The following DIAPH2 variants were observed in gnomAD, a reference collection of about 807,000 sequenced individuals.
DIAPH2 encodes diaphanous related formin 2, also known as protein diaphanous homolog 2.
In DIAPH2, 35 loss-of-function variants were observed where a neutral mutation model predicts 92.7. That is an observed-to-expected ratio of 0.38 (90% CI 0.29 to 0.50). The LOEUF (loss-of-function observed/expected upper bound fraction) is 0.50, where lower values mean the gene tolerates loss of function less well. Ranked by LOEUF, DIAPH2 falls within the 20% of genes least tolerant of loss-of-function variation. The pLI is 0.94. For missense variants in DIAPH2, 701 were observed against 819.5 expected, an observed-to-expected ratio of 0.86 and a Z score of 1.77; for synonymous variants, 301 against 280.4, an observed-to-expected ratio of 1.07 and a Z score of -0.73.
chrX:97,003,600 C>G (rs573947773), intron 17 of DIAPH2, among the ~76,000 whole-genome samples: 1 of 112,068 alleles, frequency 8.9e-6, no homozygotes, highest in African/African-American at 3.2e-5. Context: ...ATTTGTATGT[C>G]TTCTTTTGAG....
rs147240095 is a variant in DIAPH2 at position 97,182,026 on chromosome X, T to C, written c.2719+40232T>C. ...TGTAATTTGTCAGTATCCTTCACAA[T>C]AAAAATAGATTATGACATACCTTGG... is the stretch of plus-strand genomic sequence containing the variant. On this transcript the variant is annotated intron_variant, in intron 22 of 26. Coordinates refer to ENST00000324765, the MANE Select transcript of DIAPH2 (RefSeq NM_006729.5). Among the ~76,000 whole-genome samples the C allele has an allele frequency of 6.1e-4, 68 of 111,440 alleles. No individual in the cohort carries two copies. In the East Asian group the frequency reaches 0.018, roughly 30 times the overall value.
chrX:97,411,610 G>A (rs1057070255), intron 25 of DIAPH2, among the ~76,000 whole-genome samples: 1 of 111,997 alleles, frequency 8.9e-6, no homozygotes, highest in African/African-American at 3.2e-5. Context: ...AGACTGGCAA[G>A]TTGAATAAAG....
chrX:96,882,987 AAAAAC>A (rs2065228834), intron 5 of DIAPH2, among the ~76,000 whole-genome samples: 1 of 54,906 alleles, frequency 1.8e-5, no homozygotes, highest in Non-Finnish European at 5.7e-5. Context: ...AAAAAAACAA[AAAAAC>A]AAAAATCCGG....
chrX:96,891,603 G>T (rs1397728013), intron 5 of DIAPH2, among the ~76,000 whole-genome samples: 6 of 112,200 alleles, frequency 5.3e-5, no homozygotes, highest in Non-Finnish European at 9.4e-5. Flanking sequence ...AAGATCCAAA[G>T]AAATACGTAG....
At position 97,359,457 on chromosome X, in the gene DIAPH2, T is replaced by TGC. The variant is rs775786907; in HGVS notation, c.3009+11179_3009+11180dup. ...TATGTCCTATATATGTGTGTGTGTG[T>TGC]GCGTGTGTGTATTTTTTTCCTTTGT... On this transcript the variant is annotated intron_variant, in intron 24 of 26. Coordinates refer to ENST00000324765, the MANE Select transcript of DIAPH2 (RefSeq NM_006729.5). Among the ~76,000 whole-genome samples the TGC allele has an allele frequency of 7.3e-5, 8 of 110,138 alleles. No homozygotes were observed. The East Asian group carries it at 2.2e-3, about 31-fold the overall frequency.
At chrX:97,191,208 A>G (rs1212013862) in intron 22 of DIAPH2, among the ~76,000 whole-genome samples, 2 of 109,435 alleles carry the variant, frequency 1.8e-5, no homozygotes, top group African/African-American at 6.7e-5. Context: ...CATGACTGTA[A>G]TCCCAGCTAC....
intron 5 of DIAPH2, among the ~76,000 whole-genome samples, chrX:96,886,174 T>C (rs1406825458): frequency 9.0e-6 from 1 of 110,555 alleles, no homozygotes; most frequent in Non-Finnish European, 1.9e-5. Flanking sequence ...ATTATATAAA[T>C]TATGTGAGAC....
chrX:96,841,133 C>A (rs2064934084), intron 4 of DIAPH2, among the ~76,000 whole-genome samples: 1 of 111,867 alleles, frequency 8.9e-6, no homozygotes, highest in African/African-American at 3.3e-5. Flanking sequence ...CCCATGAATT[C>A]TCTGGATTGA....
At chrX:97,514,945 G>T (rs2070930273) in intron 26 of DIAPH2, among the ~76,000 whole-genome samples, 1 of 111,026 alleles carries the variant, frequency 9.0e-6, no homozygotes, top group South Asian at 3.9e-4. Context: ...AGTCTGCAGA[G>T]GTTACTGCTG....
intron 17 of DIAPH2, among the ~76,000 whole-genome samples, chrX:97,005,421 G>A (rs1034997251): frequency 7.3e-5 from 8 of 109,073 alleles, no homozygotes; most frequent in East Asian, 2.9e-4. Context: ...ACCGTCTCTC[G>A]GATTTCTTTA....
chrX:96,809,209 T>C (rs978297033), intron 4 of DIAPH2, among the ~76,000 whole-genome samples: 75 of 110,811 alleles, frequency 6.8e-4, no homozygotes, highest in African/African-American at 2.4e-3. Context: ...TTCTTCCTAG[T>C]CCAGTAGTAG....
intron 17 of DIAPH2, among the ~76,000 whole-genome samples, chrX:96,965,608 GTCTTAAA>G (rs2065889511): frequency 9.0e-6 from 1 of 111,098 alleles, no homozygotes; most frequent in Non-Finnish European, 1.9e-5. Flanking sequence ...TGGTCCCATA[GTCTTAAA>G]TAGTCTTTCC....
chrX:97,238,067 G>A (rs2068063480), intron 22 of DIAPH2, among the ~76,000 whole-genome samples: 1 of 112,163 alleles, frequency 8.9e-6, no homozygotes, highest in Admixed American at 9.5e-5. Flanking sequence ...AATAACACTT[G>A]CAGAAGAGAC....
chrX:97,347,043 A>G (rs1350208416), intron 23 of DIAPH2, among the ~76,000 whole-genome samples: 1 of 107,932 alleles, frequency 9.3e-6, no homozygotes, highest in Non-Finnish European at 1.9e-5. Flanking sequence ...ATGTATACAC[A>G]CACACATATA....
At chrX:97,063,669 G>T (rs952665148) in intron 17 of DIAPH2, among the ~76,000 whole-genome samples, 4 of 112,034 alleles carry the variant, frequency 3.6e-5, no homozygotes, top group Middle Eastern at 4.2e-3. Flanking sequence ...TTGAAAAACA[G>T]AATGTCAACA....
At chrX:97,130,717 A>G (rs963747582) in intron 21 of DIAPH2, among the ~76,000 whole-genome samples, 7 of 111,535 alleles carry the variant, frequency 6.3e-5, no homozygotes, top group African/African-American at 2.3e-4. Flanking sequence ...ACTTAACCTC[A>G]CTGAACTGTG....
chrX:97,472,934 G>T (rs756645532), intron 26 of DIAPH2, among the ~76,000 whole-genome samples: 11 of 111,789 alleles, frequency 9.8e-5, no homozygotes, highest in African/African-American at 3.6e-4. Context: ...CTCTATCCTG[G>T]TTTATGTTAT....
intron 23 of DIAPH2, among the ~76,000 whole-genome samples, chrX:97,314,169 G>A (rs762956137): frequency 2.3e-4 from 25 of 107,441 alleles, no homozygotes; most frequent in Non-Finnish European, 2.7e-4. Context: ...AACACTTTGA[G>A]TGGCTGAGGT....
chrX:97,124,163 T>C (rs905105444), intron 21 of DIAPH2, among the ~76,000 whole-genome samples: 1 of 112,370 alleles, frequency 8.9e-6, no homozygotes, highest in Non-Finnish European at 1.9e-5. Flanking sequence ...GAAAAATATA[T>C]GATCATGTCA....
Sources: allele counts gnomAD v4.1 joint callset (sites outside exome capture counted in the v4.1 genomes callset), GRCh38; gene constraint gnomAD v4.1.1; transcripts MANE v1.5; gene names NCBI Gene and HGNC (gene_info 2026-07-23, HGNC 2026-07-21).